The following MRPS9 variants were observed in gnomAD, a reference collection of about 807,000 sequenced individuals.
MRPS9 encodes the protein small ribosomal subunit protein uS9m.
MRPS9 carries 45 observed loss-of-function variants against 59.9 expected under a neutral mutation model. That is an observed-to-expected ratio of 0.75 (90% CI 0.59 to 0.96). The LOEUF (loss-of-function observed/expected upper bound fraction) is 0.96, where lower values mean the gene tolerates loss of function less well. Among genes scored for constraint, MRPS9 ranks in the 40% least tolerant of loss-of-function variants. MRPS9 has a pLI of 0.00. For synonymous variants in MRPS9, 171 were observed against 166.8 expected (o/e 1.03, Z -0.19); for missense variants, 473 against 481.1 (o/e 0.98, Z 0.16).
At chr2:105,071,419 T>C in intron 3 of MRPS9, 40 bp from the exon 4 acceptor site, 2 of 1,583,312 alleles carry the variant, frequency 1.3e-6, no homozygotes, top group African/African-American at 2.7e-5. Flanking sequence ...CTTTTATATG[T>C]TATGATAATT....
intron 2 of MRPS9, among the ~76,000 whole-genome samples, chr2:105,052,345 G>A (rs372367919): frequency 2.6e-5 from 4 of 152,110 alleles, no homozygotes; most frequent in African/African-American, 7.2e-5. Context: ...TTTTTGTCAC[G>A]AAATGGTATT....
chr2:105,051,024 T>C (rs1279358449), intron 2 of MRPS9, among the ~76,000 whole-genome samples: 1 of 152,246 alleles, frequency 6.6e-6, no homozygotes, highest in Non-Finnish European at 1.5e-5. Flanking sequence ...TTTTTAGTTC[T>C]GATGAATAAT....
chr2:105,063,856 C>A (rs1219655131), intron 2 of MRPS9, among the ~76,000 whole-genome samples: 1 of 152,118 alleles, frequency 6.6e-6, no homozygotes, highest in African/African-American at 2.4e-5. Flanking sequence ...CTGCTGTGTT[C>A]TAATTCTGAA....
rs757391749 is a variant in MRPS9 at position 105,092,475 on chromosome 2, G to C, written c.726G>C (p.Gln242His). 6.2e-7 allele frequency: 1 copy of C among 1,613,958 alleles called. No individual in the cohort carries two copies. The highest frequency in any genetic ancestry group is 8.5e-7 in the Non-Finnish European group (1 of 1,179,936). ...QCGAAEEEFV[Q>H]RFRRSVTLES... ...GTGCTGCTGAGGAAGAATTTGTGCA[G>C]AGGTTTCGAAGAAGTGTAACTCTTG... Residue 242 changes from glutamine to histidine, a missense_variant, in exon 8 of 11, where the codon CAG (glutamine) becomes CAC (histidine). Gln to His is a conservative substitution (Grantham distance 24). Coordinates refer to ENST00000258455, the MANE Select transcript of MRPS9 (RefSeq NM_182640.3).
intron 5 of MRPS9, among the ~76,000 whole-genome samples, chr2:105,082,548 T>C (rs1311996460): frequency 6.6e-6 from 1 of 152,254 alleles, no homozygotes; most frequent in African/African-American, 2.4e-5. Flanking sequence ...TCTTAAGATC[T>C]GTGTATGACA....
intron 2 of MRPS9, among the ~76,000 whole-genome samples, chr2:105,064,626 G>A (rs959555435): frequency 2.0e-5 from 3 of 152,168 alleles, no homozygotes; most frequent in Non-Finnish European, 2.9e-5. Context: ...GGGAGGGAAC[G>A]GAATGGCCAG....
At chr2:105,071,186 A>G (rs1232501948) in intron 2 of MRPS9, 127 bp from the exon 3 acceptor site, 2 of 696,392 alleles carry the variant, frequency 2.9e-6, no homozygotes, top group Non-Finnish European at 4.7e-6. Context: ...CCATTGAAAC[A>G]TTTATGAAGT....
At chr2:105,071,104 T>G (rs1222871554) in intron 2 of MRPS9, among the ~76,000 whole-genome samples, 2 of 152,250 alleles carry the variant, frequency 1.3e-5, no homozygotes, top group Admixed American at 6.5e-5. Context: ...AGCTGACACT[T>G]GAAAATTGTC....
chr2:105,063,983 A>G (rs926631168), intron 2 of MRPS9, among the ~76,000 whole-genome samples: 10 of 152,244 alleles, frequency 6.6e-5, no homozygotes, highest in African/African-American at 2.4e-4. Flanking sequence ...AACTGGTAGA[A>G]AGCAAAATAA....
intron 5 of MRPS9, among the ~76,000 whole-genome samples, chr2:105,083,858 C>G (rs1018194041): frequency 3.3e-5 from 5 of 152,130 alleles, no homozygotes; most frequent in African/African-American, 1.2e-4. Context: ...TAGAACACTT[C>G]CTACTCCAAA....
At chr2:105,092,678 T>G in intron 8 of MRPS9, 109 bp downstream of exon 8, 1 of 1,036,104 alleles carries the variant, frequency 9.7e-7, no homozygotes, top group East Asian at 2.7e-5. Context: ...ATTTGTTTAT[T>G]TTTGCTACCG....
At chr2:105,079,443 C>T (rs1422732296) in intron 4 of MRPS9, among the ~76,000 whole-genome samples, 4 of 152,172 alleles carry the variant, frequency 2.6e-5, no homozygotes, top group African/African-American at 9.7e-5. Flanking sequence ...GAAGGAATTA[C>T]ACCCAACACC....
At chr2:105,099,527 G>A in intron 10 of MRPS9, 143 bp from the exon 11 acceptor site, 1 of 623,930 alleles carries the variant, frequency 1.6e-6, no homozygotes, top group Non-Finnish European at 2.7e-6. Flanking sequence ...GGTTGATACT[G>A]GGCTGGTAAA....
At chr2:105,088,801 T>C (rs1680499659) in intron 5 of MRPS9, among the ~76,000 whole-genome samples, 183 bp from the exon 6 acceptor site, 1 of 152,116 alleles carries the variant, frequency 6.6e-6, no homozygotes, top group Admixed American at 6.5e-5. Flanking sequence ...TATCATCCTT[T>C]AGTTTAAATG....
intron 7 of MRPS9, 53 bp from the exon 8 acceptor site, chr2:105,092,348 T>C: frequency 1.4e-6 from 2 of 1,476,244 alleles, no homozygotes; most frequent in South Asian, 3.0e-5. Flanking sequence ...ATAGAAAAAA[T>C]TTAGCAAATG....
intron 4 of MRPS9, among the ~76,000 whole-genome samples, chr2:105,074,273 C>T (rs1053143056): frequency 2.6e-5 from 4 of 151,764 alleles, no homozygotes; most frequent in East Asian, 1.9e-4. Flanking sequence ...AGGAACATAG[C>T]GAAGAAATTG....
intron 10 of MRPS9, among the ~76,000 whole-genome samples, chr2:105,097,766 T>C (rs566971642): frequency 6.6e-6 from 1 of 152,356 alleles, no homozygotes; most frequent in African/African-American, 2.4e-5. Context: ...AGTGGTATTA[T>C]CATAGCTAGC....
At chr2:105,044,293 T>C (rs1016371218) in intron 1 of MRPS9, among the ~76,000 whole-genome samples, 1 of 152,200 alleles carries the variant, frequency 6.6e-6, no homozygotes, top group African/African-American at 2.4e-5. Flanking sequence ...TGTTTTTAGC[T>C]AAAGATCTGT....
Position 105,089,048 on chromosome 2 carries a change from T to C in MRPS9, c.554T>C (p.Leu185Pro). ...AGTCACTTGCAAGCCAAAAGTCTGC[T>C]CCCAGAAAAAACTGTAACCAGGTAA... Reference protein sequence around the residue: ...HQSHLQAKSLLPEKTVTRDVI... With the variant: ...HQSHLQAKSLPPEKTVTRDVI... Residue 185 changes from leucine to proline, a missense_variant, in exon 6 of 11, where the codon CTC becomes CCC. Leu to Pro is a moderately conservative substitution (Grantham distance 98). Transcript: ENST00000258455. 2 of 1,611,466 alleles carry C rather than the reference T, an allele frequency of 1.2e-6. No homozygotes were observed. The highest frequency in any genetic ancestry group is 1.7e-6 in the Non-Finnish European group (2 of 1,178,470).
Sources: gnomAD v4.1 joint callset for allele counts (sites outside exome capture counted in the v4.1 genomes callset) on GRCh38, gnomAD v4.1.1 for gene constraint, MANE v1.5 for transcripts, NCBI Gene and HGNC (gene_info 2026-07-23, HGNC 2026-07-21) for gene names.